Variants in SLC4A10 observed in about 807,000 individuals in gnomAD.
The protein encoded by SLC4A10 is solute carrier family 4 member 10.
A neutral mutation model predicts 137.7 loss-of-function variants in SLC4A10; 42 were observed. The observed-to-expected ratio is 0.30, with a 90% CI of 0.24 to 0.39. SLC4A10 has a LOEUF of 0.39. Ranked by LOEUF, SLC4A10 falls within the 10% of genes least tolerant of loss-of-function variation. The pLI is 1.00. For synonymous variants in SLC4A10, 474 were observed against 464.1 expected (o/e 1.02, Z -0.27); for missense variants, 925 against 1,355.0 (o/e 0.68, Z 4.98).
intron 21 of SLC4A10, among the ~76,000 whole-genome samples, chr2:161,960,905 A>G (rs935626355): frequency 2.6e-5 from 4 of 152,048 alleles, no homozygotes; most frequent in Non-Finnish European, 4.4e-5. Flanking sequence ...GGAAGAATAT[A>G]TTTCTATTGA....
intron 2 of SLC4A10, 85 bp from the exon 3 acceptor site, chr2:161,804,364 T>G (rs573944179): frequency 2.9e-6 from 4 of 1,391,426 alleles, no homozygotes; most frequent in Non-Finnish European, 3.9e-6. Context: ...TTAAATTAAA[T>G]TGAGTCTCCA....
At chr2:161,625,759 G>A (rs552716854) in intron 1 of SLC4A10, among the ~76,000 whole-genome samples, 1 of 152,224 alleles carries the variant, frequency 6.6e-6, no homozygotes, top group African/African-American at 2.4e-5. Context: ...TGGCGACTGA[G>A]CATGCCCAGT....
intron 1 of SLC4A10, among the ~76,000 whole-genome samples, chr2:161,722,168 C>T (rs1243165265): frequency 3.3e-5 from 5 of 152,316 alleles, no homozygotes; most frequent in Non-Finnish European, 5.9e-5. Context: ...TCACCTTCTG[C>T]AGCCTACTTT....
intron 11 of SLC4A10, among the ~76,000 whole-genome samples, chr2:161,899,622 A>G (rs1200144502): frequency 6.6e-6 from 1 of 152,150 alleles, no homozygotes; most frequent in East Asian, 1.9e-4. Flanking sequence ...TCATTATAAA[A>G]TAGAGTTAAT....
intron 10 of SLC4A10, among the ~76,000 whole-genome samples, chr2:161,886,398 A>C (rs2062287835): frequency 6.6e-6 from 1 of 152,160 alleles, no homozygotes; most frequent in African/African-American, 2.4e-5. Context: ...CGTACTTTTA[A>C]AGAAGTGTTG....
At chr2:161,709,452 A>G (rs1372600194) in intron 1 of SLC4A10, among the ~76,000 whole-genome samples, 2 of 151,572 alleles carry the variant, frequency 1.3e-5, no homozygotes, top group Non-Finnish European at 3.0e-5. Context: ...TCTCAGATCT[A>G]TTGAAATATT....
chr2:161,912,704 C>G (rs1237984909), intron 15 of SLC4A10, among the ~76,000 whole-genome samples: 4 of 152,098 alleles, frequency 2.6e-5, no homozygotes, highest in Non-Finnish European at 5.9e-5. Flanking sequence ...AACACTGATG[C>G]TTTGCTGAAT....
At chr2:161,723,663 G>A (rs933983293) in intron 1 of SLC4A10, among the ~76,000 whole-genome samples, 1 of 152,114 alleles carries the variant, frequency 6.6e-6, no homozygotes, top group Non-Finnish European at 1.5e-5. Flanking sequence ...ACTGTTGGTG[G>A]CTCTTAATAG....
chr2:161,828,791 TA>T (rs1212341250), intron 3 of SLC4A10, among the ~76,000 whole-genome samples: 1 of 116,932 alleles, frequency 8.6e-6, no homozygotes, highest in African/African-American at 3.4e-5. Context: ...TATATATATA[TA>T]TATATATATA....
At chr2:161,751,887 A>G (rs1005008250) in intron 1 of SLC4A10, among the ~76,000 whole-genome samples, 5 of 151,986 alleles carry the variant, frequency 3.3e-5, no homozygotes, top group African/African-American at 9.7e-5. Flanking sequence ...CATTAAATGC[A>G]TACACGTTTA....
intron 4 of SLC4A10, among the ~76,000 whole-genome samples, chr2:161,841,771 A>G (rs2059200642): frequency 1.3e-5 from 2 of 152,208 alleles, no homozygotes; most frequent in Admixed American, 1.3e-4. Context: ...TTTAAAATTC[A>G]CAAGGTATAG....
At chr2:161,725,218 T>G (rs570138235) in intron 1 of SLC4A10, among the ~76,000 whole-genome samples, 29 of 152,284 alleles carry the variant, frequency 1.9e-4, no homozygotes, top group African/African-American at 6.5e-4. Context: ...TACATTTAAC[T>G]AATATATTAC....
At position 161,880,673 on chromosome 2, in the gene SLC4A10, C is replaced by G. The variant is rs2061710491; in HGVS notation, c.1106+1385C>G. 2.0e-5 allele frequency among the ~76,000 whole-genome samples: 3 copies of G among 152,178 alleles called. No individual in the cohort carries two copies. In the South Asian group the frequency reaches 6.2e-4, roughly 32 times the overall value. ...AGGCTATATGTTTTCTATGGACAAC[C>G]TGTAACCTATTCAAGGTTTCTGGGA... On this transcript the variant is annotated intron_variant, in intron 9 of 26. Coordinates refer to ENST00000446997, the MANE Select transcript of SLC4A10 (RefSeq NM_001178015.2).
At chr2:161,950,604 T>C in intron 18 of SLC4A10, 83 bp from the exon 19 acceptor site, 4 of 1,321,390 alleles carry the variant, frequency 3.0e-6, no homozygotes, top group Non-Finnish European at 3.1e-6. Context: ...ATTAGGGCTT[T>C]CCTAGTAGCA....
At chr2:161,906,353 T>G (rs79190461) in intron 15 of SLC4A10, among the ~76,000 whole-genome samples, 2 of 152,318 alleles carry the variant, frequency 1.3e-5, no homozygotes, top group East Asian at 3.9e-4. Flanking sequence ...GGTAAAAACA[T>G]AAATCACTGA....
At chr2:161,696,992 G>A (rs928392563) in intron 1 of SLC4A10, among the ~76,000 whole-genome samples, 17 of 151,968 alleles carry the variant, frequency 1.1e-4, no homozygotes, top group African/African-American at 3.4e-4. Context: ...TTTAATGATC[G>A]CCATTCTAAC....
At chr2:161,973,969 T>TA (rs1225949422) in intron 23 of SLC4A10, among the ~76,000 whole-genome samples, 1 of 152,232 alleles carries the variant, frequency 6.6e-6, no homozygotes, top group Non-Finnish European at 1.5e-5. Context: ...GATTAATTTT[T>TA]AAAAAATATG....
chr2:161,644,068 C>T (rs975490482), intron 1 of SLC4A10, among the ~76,000 whole-genome samples: 19 of 143,742 alleles, frequency 1.3e-4, no homozygotes, highest in African/African-American at 4.6e-4. Context: ...GGCTTCTAAT[C>T]TTTTTTTTTT....
chr2:161,923,274 A>T (rs1440500523), intron 15 of SLC4A10, among the ~76,000 whole-genome samples: 3 of 152,340 alleles, frequency 2.0e-5, no homozygotes, highest in Non-Finnish European at 4.4e-5. Flanking sequence ...TTTTAAGCCA[A>T]ATAATTCAGC....
Sources: gnomAD v4.1 joint callset for allele counts (sites outside exome capture counted in the v4.1 genomes callset) on GRCh38, gnomAD v4.1.1 for gene constraint, MANE v1.5 for transcripts, NCBI Gene and HGNC (gene_info 2026-07-23, HGNC 2026-07-21) for gene names.